Variants in GGACT observed in about 807,000 individuals in gnomAD.
The protein encoded by GGACT is gamma-glutamylaminecyclotransferase.
For synonymous variants in GGACT, 118 were observed against 115.3 expected (o/e 1.02, Z -0.15); for missense variants, 241 against 233.2 (o/e 1.03, Z -0.22).
chr13:100,560,594 G>A (rs2088751209), intron 2 of GGACT, among the ~76,000 whole-genome samples: 1 of 152,242 alleles, frequency 6.6e-6, no homozygotes, highest in Admixed American at 6.5e-5. Context: ...GGGCTGCGCT[G>A]GGAACGTGCC....
intron 1 of GGACT, among the ~76,000 whole-genome samples, chr13:100,586,028 T>C (rs886625375): frequency 6.6e-6 from 1 of 152,078 alleles, no homozygotes; most frequent in African/African-American, 2.4e-5. Flanking sequence ...AATTCTTGTC[T>C]GGATGTGGAT....
chr13:100,572,095 T>A (rs557250817), intron 2 of GGACT, among the ~76,000 whole-genome samples: 12 of 152,190 alleles, frequency 7.9e-5, no homozygotes, highest in Admixed American at 2.0e-4. Context: ...ATGACATAGC[T>A]CATGCACGTT....
At position 100,534,023 on chromosome 13, in the gene GGACT, A is replaced by G. The variant is rs757370600; in HGVS notation, c.-10-1422T>C. On this transcript the variant is annotated intron_variant, in intron 2 of 2. Coordinates refer to ENST00000683975, the MANE Select transcript of GGACT (RefSeq NM_001195087.2). This position sits in a 1 kb window ranked among gnomAD's most constrained non-coding sequence, Gnocchi z 4.9. ...CGTGACCCGCCAGAAATGGCCCCGG[A>G]CACCACACTTGCCACCAATCATGTG... Among the ~76,000 whole-genome samples the G allele has an allele frequency of 2.8e-4, 43 of 152,352 alleles. No homozygotes were observed. Among genetic ancestry groups the G allele is most frequent in the South Asian group, 1.0e-3 (5 of 4,830 alleles).
At chr13:100,556,326 A>G (rs837315) in intron 2 of GGACT, among the ~76,000 whole-genome samples, 94,133 of 152,054 alleles carry the variant, frequency 0.62, 30,076 homozygotes, top group East Asian at 0.84. Context: ...GTATATTCTA[A>G]CAGGGGAAAA....
At chr13:100,566,992 T>C (rs1874907951) in intron 2 of GGACT, among the ~76,000 whole-genome samples, 1 of 152,240 alleles carries the variant, frequency 6.6e-6, no homozygotes, top group Admixed American at 6.5e-5. Context: ...ATTGATTTGG[T>C]TGAATGTCCC....
intron 2 of GGACT, chr13:100,536,154 CCT>C (rs1491378274): frequency 6.6e-6 from 1 of 152,226 alleles, no homozygotes; most frequent in Non-Finnish European, 1.5e-5. Flanking sequence ...ATCCAGGTCC[CCT>C]GTGTGTGTGA....
chr13:100,531,795 C>G lies in GGACT; in HGVS notation c.*335G>C. 5.2e-6 allele frequency: 1 copy of G among 191,812 alleles called. No individual in the cohort carries two copies. Among genetic ancestry groups the G allele is most frequent in the Admixed American group, 6.7e-5 (1 of 14,860 alleles). 11.9% of individuals were successfully genotyped at this position (191,812 alleles called of 1,614,324 possible). On this transcript the variant is annotated 3_prime_UTR_variant, in exon 3 of 3. Coordinates refer to ENST00000683975, the MANE Select transcript of GGACT (RefSeq NM_001195087.2). ...GGCAACACCAAGTCTTTACACTGAT[C>G]CTAAATATTTATTATTATCTTGAGC...
rs1162231104 is a variant in GGACT, at chr13:100,531,964, C to T, written c.*166G>A. On this transcript the variant is annotated 3_prime_UTR_variant, in exon 3 of 3. Coordinates refer to ENST00000683975, the MANE Select transcript of GGACT (RefSeq NM_001195087.2). ...GATGGGAGGGAAGCACCTTGCTATTCGTATCTCAACATTATTTGTAAAATC... is the reference window on the plus strand; with the variant it reads ...GATGGGAGGGAAGCACCTTGCTATTTGTATCTCAACATTATTTGTAAAATC... 6 of 463,854 alleles carry T rather than the reference C, an allele frequency of 1.3e-5. No homozygotes were observed. The highest frequency in any genetic ancestry group is 8.0e-5 in the African/African-American group (4 of 49,788). The allele number at this position is 463,854 out of a possible 1,614,324, so 28.7% of individuals were successfully genotyped here. A position where few individuals can be genotyped will look rare whatever the true frequency, so the allele number is the denominator to read the frequency against.
At chr13:100,562,650 G>A (rs990711337) in intron 2 of GGACT, among the ~76,000 whole-genome samples, 2 of 152,060 alleles carry the variant, frequency 1.3e-5, no homozygotes, top group Non-Finnish European at 2.9e-5. Flanking sequence ...ACAAAAATTA[G>A]CCAGGCATGG....
intron 2 of GGACT, among the ~76,000 whole-genome samples, chr13:100,563,747 G>T (rs919541325): frequency 3.9e-5 from 6 of 152,246 alleles, no homozygotes; most frequent in African/African-American, 1.4e-4. Flanking sequence ...GGTTTGTTCA[G>T]CATGTCATAA....
rs574564046 is a variant in GGACT at position 100,551,349 on chromosome 13, C to T, written c.-10-18748G>A. Among the ~76,000 whole-genome samples the T allele has an allele frequency of 2.0e-5, 3 of 152,300 alleles. No individual in the cohort carries two copies. The East Asian group carries it at 5.8e-4, about 29-fold the overall frequency. On this transcript the variant is annotated intron_variant, in intron 2 of 2. Coordinates refer to ENST00000683975, the MANE Select transcript of GGACT (RefSeq NM_001195087.2). ...AGGATAAAACCAAGGATGTTCTCCT[C>T]TCTGCCCCTAAGCTGTCCAAGCCAA...
intron 2 of GGACT, among the ~76,000 whole-genome samples, chr13:100,563,065 T>G (rs2088779728): frequency 6.6e-6 from 1 of 152,188 alleles, no homozygotes; most frequent in African/African-American, 2.4e-5. Flanking sequence ...GCCCCTGATC[T>G]TGGACTTCTG....
intron 2 of GGACT, among the ~76,000 whole-genome samples, chr13:100,569,655 T>C (rs952059257): frequency 7.2e-5 from 11 of 152,254 alleles, no homozygotes; most frequent in African/African-American, 2.2e-4. Flanking sequence ...GATTAACATT[T>C]GGCTCTTTGT....
At chr13:100,569,729 T>A (rs1360310813) in intron 2 of GGACT, among the ~76,000 whole-genome samples, 1 of 152,240 alleles carries the variant, frequency 6.6e-6, no homozygotes, top group Non-Finnish European at 1.5e-5. Context: ...TTCTTTTCTA[T>A]CACATTGTCA....
intron 2 of GGACT, chr13:100,537,133 G>C (rs988408563): frequency 2.6e-5 from 4 of 152,240 alleles, no homozygotes; most frequent in Non-Finnish European, 5.9e-5. Context: ...TGTCCTTGTG[G>C]GTCGTTTGAG....
intron 2 of GGACT, chr13:100,541,887 T>C (rs2088557802): frequency 1.3e-5 from 2 of 152,250 alleles, no homozygotes; most frequent in Admixed American, 1.3e-4. Flanking sequence ...TTTTATGTAT[T>C]GAGTTCAATA....
Position 100,530,344 on chromosome 13 carries a change from T to TTGA in GGACT, c.*1783_*1785dup. ...AAAAAATCACCAATGGAAATTTTCA[T>TTGA]TGATATAAATACTTGTACATATGAT... On this transcript the variant is annotated 3_prime_UTR_variant, in exon 3 of 3. Coordinates refer to ENST00000683975, the MANE Select transcript of GGACT (RefSeq NM_001195087.2). The TTGA allele has an allele frequency of 3.0e-6, 2 of 663,654 alleles. No individual in the cohort carries two copies. Among genetic ancestry groups the TTGA allele is most frequent in the Non-Finnish European group, 5.5e-6 (2 of 364,408 alleles). The allele number at this position is 663,654 out of a possible 1,614,324, so 41.1% of individuals were successfully genotyped here.
intron 2 of GGACT, among the ~76,000 whole-genome samples, chr13:100,565,237 A>G (rs2088800432): frequency 6.6e-6 from 1 of 152,198 alleles, no homozygotes; most frequent in Non-Finnish European, 1.5e-5. Flanking sequence ...TCAGAGTTCA[A>G]AAAACTGGGA....
chr13:100,546,115 C>T (rs2088601073), intron 2 of GGACT, among the ~76,000 whole-genome samples: 1 of 152,114 alleles, frequency 6.6e-6, no homozygotes, highest in Non-Finnish European at 1.5e-5. Flanking sequence ...AATGCCAGCA[C>T]TTTGGGAGGC....
Sources: allele counts gnomAD v4.1 joint callset (sites outside exome capture counted in the v4.1 genomes callset), GRCh38; gene constraint gnomAD v4.1.1; non-coding constraint Gnocchi (gnomAD v3.1); transcripts MANE v1.5; gene names NCBI Gene and HGNC (gene_info 2026-07-23, HGNC 2026-07-21).